Variants in PLEKHS1 observed in about 807,000 individuals in gnomAD.
PLEKHS1 encodes pleckstrin homology domain-containing family S member 1.
PLEKHS1 carries 55 observed loss-of-function variants against 51.0 expected under a neutral mutation model. The ratio of observed to expected loss-of-function variants is 1.08; its 90% CI spans 0.87 to 1.35. The LOEUF is 1.35. Among genes scored for constraint, PLEKHS1 ranks in the 40% most tolerant of loss-of-function variants. The pLI, the probability that PLEKHS1 is intolerant of heterozygous loss-of-function variation, is 0.00. For synonymous variants in PLEKHS1, 153 were observed against 144.8 expected, an observed-to-expected ratio of 1.06 and a Z score of -0.41; for missense variants, 398 against 423.0, an observed-to-expected ratio of 0.94 and a Z score of 0.52.
chr10:113,752,576 C>T (rs1044395966), intron 1 of PLEKHS1, among the ~76,000 whole-genome samples: 1 of 152,126 alleles, frequency 6.6e-6, no homozygotes, highest in African/African-American at 2.4e-5. Context: ...TAGTAATAAC[C>T]TTCATGTTAC....
chr10:113,779,292 TG>T (rs1475378787), intron 11 of PLEKHS1, among the ~76,000 whole-genome samples: 1 of 152,112 alleles, frequency 6.6e-6, no homozygotes, highest in Non-Finnish European at 1.5e-5. Context: ...CACACTGGGC[TG>T]GGTGTGGTGG....
chr10:113,765,358 T>A lies in PLEKHS1; in HGVS notation c.29-1053T>A, dbSNP rs755011711. 3 of 779,346 alleles carry A rather than the reference T, an allele frequency of 3.8e-6. No individual in the cohort carries two copies. In the East Asian group the frequency reaches 7.3e-5, roughly 19 times the overall value. 48.3% of individuals were successfully genotyped at this position (779,346 alleles called of 1,614,324 possible). ...TTCCTGAGTACTCTACCCAATGCCC[T>A]GTAAATTATAAGTTTTTCCAGTATG... On this transcript the variant is annotated intron_variant, in intron 2 of 11. Coordinates refer to ENST00000361048, the Ensembl canonical transcript of PLEKHS1.
intron 2 of PLEKHS1, among the ~76,000 whole-genome samples, chr10:113,760,814 G>T (rs1032679273): frequency 6.6e-6 from 1 of 152,012 alleles, no homozygotes; most frequent in Non-Finnish European, 1.5e-5. Flanking sequence ...TTTTAATTTT[G>T]ATGAAGTCTA....
chr10:113,780,700 G>A (rs367689615), exon 12 of PLEKHS1: 2 of 1,612,224 alleles, frequency 1.2e-6, no homozygotes, highest in Admixed American at 1.7e-5. Flanking sequence ...CACCTTCTCA[G>A]CTGGATAAGC....
At chr10:113,755,284 C>A in exon 2 of PLEKHS1, 2 of 1,608,080 alleles carry the variant, frequency 1.2e-6, no homozygotes, top group Non-Finnish European at 1.7e-6. Context: ...CATCATGGAA[C>A]CCAAACCTCA....
chr10:113,760,712 G>A (rs2134488389), intron 2 of PLEKHS1, among the ~76,000 whole-genome samples: 1 of 152,180 alleles, frequency 6.6e-6, no homozygotes, highest in Non-Finnish European at 1.5e-5. Context: ...TGGATAGTAG[G>A]CCCTGGTCAG....
intron 8 of PLEKHS1, among the ~76,000 whole-genome samples, chr10:113,773,550 C>T (rs1175846689): frequency 6.6e-6 from 1 of 152,058 alleles, no homozygotes; most frequent in East Asian, 1.9e-4. Flanking sequence ...AACATGATTT[C>T]AGTAGGCCGA....
intron 11 of PLEKHS1, 162 bp downstream of exon 12, chr10:113,777,421 G>A: frequency 6.2e-7 from 1 of 1,609,152 alleles, no homozygotes; most frequent in Non-Finnish European, 8.5e-7. Flanking sequence ...ACTCTTTCAG[G>A]ATTCTTTCAT....
chr10:113,777,873 C>A, intron 11 of PLEKHS1: 1 of 1,042,604 alleles, frequency 9.6e-7, no homozygotes, highest in Non-Finnish European at 1.3e-6. Context: ...ACCTGTAATC[C>A]CAGCACTTCG....
At chr10:113,768,414 A>G (rs994364961) in intron 5 of PLEKHS1, among the ~76,000 whole-genome samples, 3 of 152,180 alleles carry the variant, frequency 2.0e-5, no homozygotes, top group African/African-American at 7.2e-5. Flanking sequence ...AAAAGATGTG[A>G]TTATACAAAT....
At chr10:113,772,753 T>C (rs77001091) in intron 8 of PLEKHS1, among the ~76,000 whole-genome samples, 2,956 of 152,250 alleles carry the variant, frequency 0.019, 83 homozygotes, top group African/African-American at 0.066. Flanking sequence ...TGCCATTTGA[T>C]ACATGTATGG....
chr10:113,775,992 T>C, intron 11 of PLEKHS1, 126 bp downstream of exon 11: 1 of 611,458 alleles, frequency 1.6e-6, no homozygotes, highest in East Asian at 3.0e-5. Context: ...CTTGGACTGT[T>C]GACTGGCTGT....
At chr10:113,765,147 C>T (rs1844103400) in intron 2 of PLEKHS1, 5 of 414,292 alleles carry the variant, frequency 1.2e-5, no homozygotes, top group Non-Finnish European at 2.1e-5. Context: ...CAAATTTTAC[C>T]TTGTTGTTTC....
At chr10:113,772,232 G>GTCTCCTAGTCAAGTGTCAGC in intron 8 of PLEKHS1, 143 bp downstream of exon 8, 1 of 840,448 alleles carries the variant, frequency 1.2e-6, no homozygotes, top group Non-Finnish European at 1.9e-6. Context: ...TCATGGTGCT[G>GTCTCCTAGTCAAGTGTCAGC]ACACTTGACT....
chr10:113,759,461 C>T (rs144095995), intron 2 of PLEKHS1, among the ~76,000 whole-genome samples: 1 of 152,324 alleles, frequency 6.6e-6, no homozygotes, highest in East Asian at 1.9e-4. Flanking sequence ...TCCCAGTCCC[C>T]ATTGTTCTGT....
intron 11 of PLEKHS1, among the ~76,000 whole-genome samples, chr10:113,778,615 G>T (rs1593048407): frequency 6.6e-6 from 1 of 151,586 alleles, no homozygotes; most frequent in South Asian, 2.1e-4. Context: ...CTAGTTAGTG[G>T]CAGGGCAAGT....
chr10:113,780,403 G>C (rs989660600), intron 11 of PLEKHS1, among the ~76,000 whole-genome samples, 199 bp from the exon 13 acceptor site: 19 of 152,058 alleles, frequency 1.2e-4, no homozygotes, highest in Non-Finnish European at 2.9e-5. Flanking sequence ...TCAGGCCATG[G>C]ATGCCAGAAA....
At chr10:113,777,036 G>C in intron 11 of PLEKHS1, 88 bp from the exon 12 acceptor site, 4 of 1,487,296 alleles carry the variant, frequency 2.7e-6, no homozygotes, top group Non-Finnish European at 2.7e-6. Context: ...GTGGTGCCAC[G>C]TGACCTAGAA....
intron 11 of PLEKHS1, chr10:113,778,045 G>T: frequency 4.8e-6 from 1 of 209,554 alleles, no homozygotes; most frequent in Non-Finnish European, 9.9e-6. Context: ...CACTAAGTAT[G>T]TTGTTTTTTC....
Sources: allele counts gnomAD v4.1 joint callset (sites outside exome capture counted in the v4.1 genomes callset), GRCh38; gene constraint gnomAD v4.1.1; transcripts MANE v1.5; gene names NCBI Gene and HGNC (gene_info 2026-07-23, HGNC 2026-07-21).